Variants in TJAP1 observed in about 807,000 individuals in gnomAD.
The protein encoded by TJAP1 is tight junction-associated protein 1.
Under a neutral mutation model 42.0 loss-of-function variants are expected in TJAP1, and 27 were observed. That is an observed-to-expected ratio of 0.64 (90% CI 0.47 to 0.89). The LOEUF (loss-of-function observed/expected upper bound fraction) is 0.89. TJAP1 is among the 40% of genes least tolerant of loss of function. The pLI is 0.00. For missense variants in TJAP1, 712 were observed against 726.9 expected (o/e 0.98, Z 0.24); for synonymous variants, 257 against 288.4 (o/e 0.89, Z 1.10).
At chr6:43,504,469 G>A in intron 10 of TJAP1, 1 of 462,176 alleles carries the variant, frequency 2.2e-6, no homozygotes, top group Non-Finnish European at 3.9e-6. Context: ...CCAAACTTAA[G>A]TATGGTTTGG....
At chr6:43,494,710 C>T (rs1170828157) in intron 2 of TJAP1, among the ~76,000 whole-genome samples, 4 of 144,654 alleles carry the variant, frequency 2.8e-5, no homozygotes, top group African/African-American at 5.3e-5. Flanking sequence ...TGTAGTGGCG[C>T]GATCTGGACT....
chr6:43,481,492 C>CCCAA (rs758666073), intron 2 of TJAP1, among the ~76,000 whole-genome samples: 1 of 136,756 alleles, frequency 7.3e-6, no homozygotes, highest in Non-Finnish European at 1.6e-5. Flanking sequence ...ACCCCCCCCC[C>CCCAA]AAAAAAAAAC....
At position 43,492,348 on chromosome 6, in the gene TJAP1, C is replaced by A. The variant is rs1787997180; in HGVS notation, c.-121-5533C>A. Among the ~76,000 whole-genome samples, 1 of 152,118 alleles carries A rather than the reference C, an allele frequency of 6.6e-6. No individual in the cohort carries two copies. Among genetic ancestry groups the A allele is most frequent in the African/African-American group, 2.4e-5 (1 of 41,398 alleles). ...TCCCAAGAGGGTGAGGTTGTACTTG[C>A]CCAGAGGGGTGGCGGGCATAGCTGT... On this transcript the variant is annotated intron_variant, in intron 2 of 10. Transcript: ENST00000372449. The surrounding 1 kb of genome is among the most constrained non-coding windows in gnomAD (Gnocchi z 4.2).
chr6:43,504,311 TTCA>T (rs1306399672), intron 10 of TJAP1: 3 of 227,622 alleles, frequency 1.3e-5, no homozygotes, highest in Admixed American at 5.2e-5. Flanking sequence ...GAGATGGGGT[TTCA>T]TCGTGTTAGC....
rs1792264817 is a variant in TJAP1 at position 43,505,836 on chromosome 6, A to G, written c.1655A>G (p.Gln552Arg). 6.7e-7 allele frequency: 1 copy of G among 1,481,520 alleles called. No individual in the cohort carries two copies. Among genetic ancestry groups the G allele is most frequent in the South Asian group, 1.4e-5 (1 of 71,496 alleles). The allele number at this position is 1,481,520 out of a possible 1,614,324, so 91.8% of individuals were successfully genotyped here. ...GACAGCCTGACCCAGGCCCAGGAGCAGGGCAACCTGCTCAACTAGGGCCCC... is the reference window on the plus strand; with the variant it reads ...GACAGCCTGACCCAGGCCCAGGAGCGGGGCAACCTGCTCAACTAGGGCCCC... The change falls in exon 11 of 11, where the codon CAG becomes CGG. Residue 552 changes from glutamine to arginine, a missense_variant. Coordinates refer to ENST00000372449, the Ensembl canonical transcript of TJAP1. The surrounding 1 kb of genome is among the most constrained non-coding windows in gnomAD (Gnocchi z 5.5).
chr6:43,486,971 A>G (rs962324592), intron 2 of TJAP1, among the ~76,000 whole-genome samples: 1 of 152,184 alleles, frequency 6.6e-6, no homozygotes, highest in African/African-American at 2.4e-5. Flanking sequence ...TGCAGATGGC[A>G]ACTTGCGGGA....
At chr6:43,503,303 C>G (rs1280593039) in intron 8 of TJAP1, 98 bp from the exon 9 acceptor site, 1 of 886,516 alleles carries the variant, frequency 1.1e-6, no homozygotes, top group African/African-American at 1.7e-5. Flanking sequence ...GCTGCCCTAG[C>G]ACCTGTGGCC....
rs1297895837 is a variant in TJAP1 at position 43,505,378 on chromosome 6, C to A, written c.1197C>A (p.Ala399=). The change falls in exon 11 of 11, where the codon GCC becomes GCA. Residue 399 remains alanine (A), a synonymous_variant. Transcript: ENST00000372449. This position sits in a 1 kb window ranked among gnomAD's most constrained non-coding sequence, Gnocchi z 5.5. ...GCCCAGCACCCCTAACACTCAGTGC[C>A]CCAGCTAGCTCTGCCAGCTCTGAAG... The A allele has an allele frequency of 6.2e-7, 1 of 1,610,498 alleles. No homozygotes were observed.
intron 2 of TJAP1, among the ~76,000 whole-genome samples, chr6:43,483,295 C>T (rs562225789): frequency 2.0e-5 from 3 of 152,298 alleles, no homozygotes; most frequent in African/African-American, 7.2e-5. Flanking sequence ...TGCTTCATTG[C>T]TCCCAAATTT....
At position 43,502,635 on chromosome 6, in the gene TJAP1, G is replaced by A. The variant is rs912086860; in HGVS notation, c.387+18G>A. ...TTTTTGCAGTTGCGTCTGAGTTTGTGTGTCTTCTCCCTTGCCCTGGCCTTC... is the reference window on the plus strand; with the variant it reads ...TTTTTGCAGTTGCGTCTGAGTTTGTATGTCTTCTCCCTTGCCCTGGCCTTC... On this transcript the variant is annotated intron_variant, in intron 8 of 10. Transcript: ENST00000372449. 6.4e-7 allele frequency: 1 copy of A among 1,551,656 alleles called. No individual in the cohort carries two copies. Among genetic ancestry groups the A allele is most frequent in the African/African-American group, 1.4e-5 (1 of 73,038 alleles).
At chr6:43,490,750 C>G (rs1787630793) in intron 2 of TJAP1, among the ~76,000 whole-genome samples, 1 of 152,160 alleles carries the variant, frequency 6.6e-6, no homozygotes, top group South Asian at 2.1e-4. Flanking sequence ...TCCGGAGTTT[C>G]TGGTGGACTT....
exon 11 of TJAP1, chr6:43,504,823 C>T (rs55729277): frequency 6.2e-7 from 1 of 1,614,238 alleles, no homozygotes; most frequent in Non-Finnish European, 8.5e-7. Flanking sequence ...AGGCCGCCAG[C>T]CCAGGTCCTG....
chr6:43,504,139 G>A (rs1370027047), intron 10 of TJAP1: 1 of 311,592 alleles, frequency 3.2e-6, no homozygotes, highest in Non-Finnish European at 6.3e-6. Context: ...TTTTGAGACG[G>A]AGTCTTGCTC....
chr6:43,502,971 C>G (rs1390146213), intron 8 of TJAP1: 1 of 475,750 alleles, frequency 2.1e-6, no homozygotes, highest in Non-Finnish European at 3.8e-6. Flanking sequence ...AGCTTGCTCC[C>G]TGCTCAACAA....
exon 5 of TJAP1, chr6:43,500,764 A>G: frequency 1.2e-6 from 2 of 1,614,092 alleles, no homozygotes; most frequent in Non-Finnish European, 1.7e-6. Context: ...CTGATGCAGA[A>G]AGGATGAAGT....
chr6:43,489,861 A>G (rs1787420316), intron 2 of TJAP1: 1 of 152,262 alleles, frequency 6.6e-6, no homozygotes, highest in Non-Finnish European at 1.5e-5. Flanking sequence ...CCCCTTGGGC[A>G]TCCTGCAGCT....
intron 2 of TJAP1, among the ~76,000 whole-genome samples, chr6:43,479,828 G>A (rs139206194): frequency 0.025 from 3,833 of 152,246 alleles, 71 homozygotes; most frequent in Non-Finnish European, 0.036. Context: ...AAATCGGCTG[G>A]GCGTGGTGGC....
chr6:43,483,076 C>T (rs975446308), intron 2 of TJAP1, among the ~76,000 whole-genome samples: 6 of 151,570 alleles, frequency 4.0e-5, no homozygotes, highest in African/African-American at 1.5e-4. Context: ...GAACCAAGAT[C>T]GTGCCATTGC....
At chr6:43,488,427 T>C (rs1284480022) in intron 2 of TJAP1, among the ~76,000 whole-genome samples, 1 of 152,188 alleles carries the variant, frequency 6.6e-6, no homozygotes, top group African/African-American at 2.4e-5. Flanking sequence ...AGGGACATTT[T>C]TTTATTCTGA....
Sources: allele counts gnomAD v4.1 joint callset (sites outside exome capture counted in the v4.1 genomes callset), GRCh38; gene constraint gnomAD v4.1.1; non-coding constraint Gnocchi (gnomAD v3.1); transcripts MANE v1.5; gene names NCBI Gene and HGNC (gene_info 2026-07-23, HGNC 2026-07-21).